NLRP4: variants seen among roughly 807,000 people sequenced by gnomAD.
The protein encoded by NLRP4 is NACHT, LRR and PYD domains-containing protein 4.
Under a neutral mutation model 84.7 loss-of-function variants are expected in NLRP4, and 44 were observed. That is an observed-to-expected ratio of 0.52 (90% CI 0.41 to 0.67). The LOEUF (loss-of-function observed/expected upper bound fraction) is 0.67. NLRP4 is among the 30% of genes least tolerant of loss of function. The probability of loss-of-function intolerance (pLI) is 0.00; values close to 1 mark genes in which losing one functional copy is unlikely to be tolerated. For missense variants in NLRP4, 1,260 were observed against 1,219.4 expected (o/e 1.03, Z -0.50); for synonymous variants, 544 against 476.4 (o/e 1.14, Z -1.85).
At chr19:55,860,047 G>A (rs1327824113) in intron 3 of NLRP4, among the ~76,000 whole-genome samples, 6 of 146,366 alleles carry the variant, frequency 4.1e-5, no homozygotes, top group African/African-American at 1.0e-4. Context: ...GTGCAGTGGC[G>A]AGATCTTGGC....
At chr19:55,878,430 A>C (rs920313943) in intron 8 of NLRP4, among the ~76,000 whole-genome samples, 1 of 152,200 alleles carries the variant, frequency 6.6e-6, no homozygotes, top group East Asian at 1.9e-4. Flanking sequence ...GAAGAAAAAC[A>C]CCCAAAATGG....
At chr19:55,873,501 C>A (rs1432263020) in intron 7 of NLRP4, among the ~76,000 whole-genome samples, 2 of 151,968 alleles carry the variant, frequency 1.3e-5, no homozygotes, top group Non-Finnish European at 2.9e-5. Context: ...TAAAAGATTG[C>A]CATATTAAAA....
At chr19:55,850,932 T>G (rs376216622) in intron 1 of NLRP4, among the ~76,000 whole-genome samples, 1 of 37,200 alleles carries the variant, frequency 2.7e-5, no homozygotes, top group Non-Finnish European at 4.0e-5. Flanking sequence ...GTAATGTCCG[T>G]GGCTGCGGTG....
intron 1 of NLRP4, among the ~76,000 whole-genome samples, chr19:55,838,035 C>CCA (rs59078329): frequency 6.5e-4 from 86 of 132,392 alleles, no homozygotes; most frequent in African/African-American, 1.1e-3. Flanking sequence ...GACTCGGTCT[C>CCA]AAGCTGGATG....
At chr19:55,837,343 C>T (rs1372236401) in intron 1 of NLRP4, among the ~76,000 whole-genome samples, 1 of 151,814 alleles carries the variant, frequency 6.6e-6, no homozygotes, top group Non-Finnish European at 1.5e-5. Flanking sequence ...GTATATGTAC[C>T]CCTGAACCTA....
At chr19:55,862,671 ACT>A (rs1984808507) in intron 5 of NLRP4, among the ~76,000 whole-genome samples, 1 of 119,630 alleles carries the variant, frequency 8.4e-6, no homozygotes, top group African/African-American at 3.2e-5. Flanking sequence ...TTCAGAGAAG[ACT>A]ATAGCGTAAG....
In NLRP4 at chr19:55,861,412, A is replaced by G; in HGVS notation, c.1883A>G (p.His628Arg). The G allele has an allele frequency of 1.2e-6, 2 of 1,614,126 alleles. No individual in the cohort carries two copies. ...STSDYSLICW[H>R]HICSVLTTSG... ...TCGGATTACAGCCTCATCTGTTGGC[A>G]TCACATCTGCTCTGTGCTCACCACC... is the stretch of plus-strand genomic sequence containing the variant. Residue 628 changes from histidine to arginine, a missense_variant, in exon 4 of 10, where the codon CAT becomes CGT. This residue lies in a region of NLRP4 where 544 missense variants were observed against 531.7 expected (regional missense o/e 1.02). Transcript: ENST00000301295.
intron 1 of NLRP4, among the ~76,000 whole-genome samples, chr19:55,846,438 C>T (rs981291270): frequency 6.6e-6 from 1 of 152,182 alleles, no homozygotes. Context: ...AAAAGTCCAA[C>T]TCTAGTTGCC....
intron 3 of NLRP4, 108 bp from the exon 4 acceptor site, chr19:55,861,278 C>G: frequency 4.4e-6 from 4 of 903,002 alleles, no homozygotes; most frequent in Non-Finnish European, 6.7e-6. Flanking sequence ...GAGGGAGGCT[C>G]TGCCTCAGAC....
intron 5 of NLRP4, among the ~76,000 whole-genome samples, chr19:55,867,349 C>T (rs1261855328): frequency 2.7e-5 from 4 of 149,152 alleles, no homozygotes; most frequent in African/African-American, 9.9e-5. Context: ...TGTCTCTGTA[C>T]CCTAGAGACT....
chr19:55,861,780 C>T (rs183196877), intron 4 of NLRP4, among the ~76,000 whole-genome samples: 7 of 152,266 alleles, frequency 4.6e-5, no homozygotes, highest in African/African-American at 1.7e-4. Flanking sequence ...ATCCTAATAG[C>T]ATCCCCTTGT....
rs896644973 is a variant in NLRP4 at position 55,861,475 on chromosome 19, C to T, written c.1946C>T (p.Thr649Ile). The T allele has an allele frequency of 6.2e-7, 1 of 1,614,168 alleles. No homozygotes were observed. Among genetic ancestry groups the T allele is most frequent in the Non-Finnish European group, 8.5e-7 (1 of 1,180,002 alleles). Residue 649 changes from threonine to isoleucine, a missense_variant, in exon 4 of 10, where the codon ACC (threonine) becomes ATC (isoleucine). Coordinates refer to ENST00000301295, the MANE Select transcript of NLRP4 (RefSeq NM_134444.5). Reference protein sequence around the residue: ...HLRELQVQDSTLSESTFVTWC... With the variant: ...HLRELQVQDSILSESTFVTWC... Reference sequence around the variant, plus strand: ...AGAGAGCTCCAGGTGCAGGACAGCACCCTCAGCGAGTCGACCTTTGTGACC... The same window carrying T: ...AGAGAGCTCCAGGTGCAGGACAGCATCCTCAGCGAGTCGACCTTTGTGACC...
intron 9 of NLRP4, among the ~76,000 whole-genome samples, chr19:55,879,838 T>A (rs932292544): frequency 2.6e-5 from 4 of 151,558 alleles, no homozygotes; most frequent in Non-Finnish European, 4.4e-5. Flanking sequence ...ATTATTATAA[T>A]ACAAATTATG....
chr19:55,840,378 A>G (rs1339785517), intron 1 of NLRP4, among the ~76,000 whole-genome samples: 7 of 112,724 alleles, frequency 6.2e-5, no homozygotes, highest in South Asian at 2.5e-4. Flanking sequence ...GTGTGTGTGT[A>G]TACATATTTT....
At chr19:55,838,274 C>A (rs968708958) in intron 1 of NLRP4, among the ~76,000 whole-genome samples, 11 of 151,680 alleles carry the variant, frequency 7.3e-5, no homozygotes, top group African/African-American at 9.7e-5. Flanking sequence ...TGCATTCCAG[C>A]CTGGGCAACA....
rs367593950 is a variant in NLRP4, at chr19:55,861,861, A to G, written c.2019-131A>G. On this transcript the variant is annotated intron_variant, in intron 4 of 9. Coordinates refer to ENST00000301295, the MANE Select transcript of NLRP4 (RefSeq NM_134444.5). ...GGGGGCAAAATCTCTCAAGTTGAGA[A>G]CTACTGAGCTGTGTCATTGGGCTGT... The G allele has an allele frequency of 1.3e-4, 90 of 719,518 alleles. 3 individuals are homozygous for G. The highest frequency in any genetic ancestry group is 6.4e-4 in the East Asian group (25 of 39,370). The allele number at this position is 719,518 out of a possible 1,614,324, so 44.6% of individuals were successfully genotyped here.
chr19:55,860,251 C>T (rs1322613309), intron 3 of NLRP4, among the ~76,000 whole-genome samples: 1 of 152,128 alleles, frequency 6.6e-6, no homozygotes, highest in East Asian at 1.9e-4. Context: ...TCTCAAAGTG[C>T]TGGGATTACA....
At chr19:55,854,190 T>C (rs1481061960) in intron 2 of NLRP4, among the ~76,000 whole-genome samples, 2 of 152,154 alleles carry the variant, frequency 1.3e-5, no homozygotes, top group Non-Finnish European at 2.9e-5. Context: ...CAGGCTGGTC[T>C]CGAACTCCTG....
intron 3 of NLRP4, among the ~76,000 whole-genome samples, chr19:55,859,952 ACAAAAC>A (rs1568666258): frequency 4.3e-5 from 3 of 69,892 alleles, no homozygotes; most frequent in East Asian, 3.6e-4. Flanking sequence ...AAAAAAAAAA[ACAAAAC>A]ACAAATCATA....
Sources: allele counts gnomAD v4.1 joint callset (sites outside exome capture counted in the v4.1 genomes callset), GRCh38; gene constraint gnomAD v4.1.1; regional missense constraint gnomAD v4.1.1; transcripts MANE v1.5; gene names NCBI Gene and HGNC (gene_info 2026-07-23, HGNC 2026-07-21).